SPOCK3: variants seen among roughly 807,000 people sequenced by gnomAD.
SPOCK3 encodes the protein testican-3.
SPOCK3 carries 30 observed loss-of-function variants against 56.6 expected under a neutral mutation model. The ratio of observed to expected loss-of-function variants is 0.53; its 90% CI spans 0.40 to 0.72. SPOCK3 has a LOEUF of 0.72. Among genes scored for constraint, SPOCK3 ranks in the 30% least tolerant of loss-of-function variants. The pLI, the probability that SPOCK3 is intolerant of heterozygous loss-of-function variation, is 0.00. For missense variants in SPOCK3, 527 were observed against 530.0 expected (o/e 0.99, Z 0.06); for synonymous variants, 196 against 183.3 (o/e 1.07, Z -0.56).
At chr4:166,791,687 C>CT (rs1226555595) in intron 7 of SPOCK3, among the ~76,000 whole-genome samples, 1 of 151,764 alleles carries the variant, frequency 6.6e-6, no homozygotes. Context: ...GTATATGGCT[C>CT]TTTTTTTTCC....
chr4:167,222,631 G>GAT (rs1476658965), intron 2 of SPOCK3, among the ~76,000 whole-genome samples: 1 of 134,930 alleles, frequency 7.4e-6, no homozygotes, highest in East Asian at 2.1e-4. Context: ...TATAAACATA[G>GAT]ATATATATTA....
chr4:166,794,689 C>T (rs1741732414), intron 6 of SPOCK3, among the ~76,000 whole-genome samples: 1 of 137,130 alleles, frequency 7.3e-6, no homozygotes, highest in Non-Finnish European at 1.5e-5. Context: ...GTTGCCCATG[C>T]TGGGATGCAG....
chr4:167,212,333 C>A (rs1734954871), intron 2 of SPOCK3, among the ~76,000 whole-genome samples: 1 of 148,938 alleles, frequency 6.7e-6, no homozygotes, highest in East Asian at 2.0e-4. Flanking sequence ...CCTCCGCCTT[C>A]CAGTTGCAAG....
At chr4:167,056,074 C>T (rs929567224) in intron 3 of SPOCK3, among the ~76,000 whole-genome samples, 55 of 152,276 alleles carry the variant, frequency 3.6e-4, no homozygotes, top group African/African-American at 1.3e-3. Flanking sequence ...AGACTGACAC[C>T]TCACATGGAC....
intron 2 of SPOCK3, among the ~76,000 whole-genome samples, chr4:167,208,222 C>T (rs1357175969): frequency 1.3e-5 from 2 of 151,892 alleles, no homozygotes; most frequent in Non-Finnish European, 2.9e-5. Context: ...AAAAACTGGT[C>T]GGGGGCAATT....
chr4:167,038,432 T>C (rs1752953773), intron 3 of SPOCK3, among the ~76,000 whole-genome samples: 1 of 152,164 alleles, frequency 6.6e-6, no homozygotes, highest in Non-Finnish European at 1.5e-5. Flanking sequence ...TACAAATTTA[T>C]GTTATATTTT....
chr4:167,206,976 G>A (rs1288239577), intron 2 of SPOCK3, among the ~76,000 whole-genome samples: 1 of 151,926 alleles, frequency 6.6e-6, no homozygotes, highest in African/African-American at 2.4e-5. Flanking sequence ...CAAAAAAAAC[G>A]ATAAATGTTT....
intron 2 of SPOCK3, among the ~76,000 whole-genome samples, chr4:167,104,195 T>C (rs555627332): frequency 1.3e-5 from 2 of 152,180 alleles, no homozygotes; most frequent in East Asian, 1.9e-4. Flanking sequence ...TCAACAGCCA[T>C]CAAGACCATC....
intron 6 of SPOCK3, among the ~76,000 whole-genome samples, chr4:166,847,663 A>ATAGATATATATATATATATATATATATC (rs1748227725): frequency 1.0e-5 from 1 of 98,358 alleles, no homozygotes. Flanking sequence ...ATATATATAT[A>ATAGATATATATATATATATATATATATC]TATATATATA....
At chr4:166,935,957 A>T (rs1740356108) in intron 4 of SPOCK3, among the ~76,000 whole-genome samples, 1 of 152,212 alleles carries the variant, frequency 6.6e-6, no homozygotes, top group South Asian at 2.1e-4. Context: ...GAATTAATTG[A>T]ATTTGTATGA....
chr4:166,855,775 C>A (rs1265083219), intron 6 of SPOCK3, among the ~76,000 whole-genome samples: 1 of 152,058 alleles, frequency 6.6e-6, no homozygotes, highest in Admixed American at 6.6e-5. Context: ...GTTTCTGATT[C>A]ATTAGGTGTG....
At chr4:166,751,017 C>T (rs953994706) in intron 8 of SPOCK3, among the ~76,000 whole-genome samples, 3 of 138,008 alleles carry the variant, frequency 2.2e-5, no homozygotes, top group Non-Finnish European at 3.2e-5. Context: ...ATCAATGGTG[C>T]CCTGAAGTTT....
intron 4 of SPOCK3, among the ~76,000 whole-genome samples, chr4:166,934,433 G>A (rs545098013): frequency 2.6e-5 from 4 of 152,032 alleles, no homozygotes; most frequent in African/African-American, 9.6e-5. Context: ...GGGAGGAGGA[G>A]CTTGCAGTGA....
intron 7 of SPOCK3, among the ~76,000 whole-genome samples, chr4:166,773,152 C>G (rs921662590): frequency 6.6e-6 from 1 of 152,122 alleles, no homozygotes; most frequent in Admixed American, 6.6e-5. Flanking sequence ...ATCATTGTTT[C>G]TATAAGGGTC....
intron 6 of SPOCK3, among the ~76,000 whole-genome samples, chr4:166,797,031 T>A (rs1742012004): frequency 6.6e-6 from 1 of 152,114 alleles, no homozygotes; most frequent in African/African-American, 2.4e-5. Flanking sequence ...AATGACAATA[T>A]AAGACAAAGT....
intron 3 of SPOCK3, among the ~76,000 whole-genome samples, chr4:167,059,901 A>G (rs1234028407): frequency 1.3e-5 from 2 of 152,134 alleles, no homozygotes; most frequent in South Asian, 2.1e-4. Context: ...CTATCGCAAG[A>G]ACAAAAAACC....
chr4:166,739,287 C>A (rs1734577125), intron 9 of SPOCK3, among the ~76,000 whole-genome samples: 1 of 152,102 alleles, frequency 6.6e-6, no homozygotes, highest in Admixed American at 6.6e-5. Flanking sequence ...ATCACTCAGG[C>A]TGGAGTGCAG....
rs553014303 is a variant in SPOCK3, at chr4:166,870,005, C to T, written c.589+19125G>A. Among the ~76,000 whole-genome samples, 10 of 152,154 alleles carry T rather than the reference C, an allele frequency of 6.6e-5. 1 individual carries two copies. The South Asian group carries it at 1.2e-3, about 19-fold the overall frequency. ...TACAGTTTGTCCTCTAGGAACCCTA[C>T]GATGTCCTCATGGGGAGGATCTGAG... On this transcript the variant is annotated intron_variant, in intron 6 of 10. Transcript: ENST00000357545.
chr4:166,870,696 G>A (rs1732370109), intron 6 of SPOCK3, among the ~76,000 whole-genome samples: 1 of 152,008 alleles, frequency 6.6e-6, no homozygotes, highest in Non-Finnish European at 1.5e-5. Flanking sequence ...ACATAAAGAA[G>A]TGTTTAGAGG....
Sources: allele counts gnomAD v4.1 joint callset (sites outside exome capture counted in the v4.1 genomes callset), GRCh38; gene constraint gnomAD v4.1.1; transcripts MANE v1.5; gene names NCBI Gene and HGNC (gene_info 2026-07-23, HGNC 2026-07-21).